Variants in TDRD9 observed in about 807,000 individuals in gnomAD.
TDRD9 encodes ATP-dependent RNA helicase TDRD9.
In TDRD9, 124 loss-of-function variants were observed where a neutral mutation model predicts 172.6. That is an observed-to-expected ratio of 0.72 (90% confidence interval 0.62 to 0.83). TDRD9 has a LOEUF of 0.83. Ranked by LOEUF, TDRD9 falls within the 40% of genes least tolerant of loss-of-function variation. TDRD9 has a pLI of 0.00. For synonymous variants in TDRD9, 619 were observed against 617.1 expected (o/e 1.00, Z -0.05); for missense variants, 1,479 against 1,714.1 (o/e 0.86, Z 2.42).
chr14:103,992,010 C>T (rs2033888325), intron 9 of TDRD9, among the ~76,000 whole-genome samples: 1 of 152,050 alleles, frequency 6.6e-6, no homozygotes, highest in Non-Finnish European at 1.5e-5. Flanking sequence ...TTACATATGT[C>T]GTTATAAATG....
chr14:103,938,430 A>ATTTTTT (rs1566723244), intron 1 of TDRD9, among the ~76,000 whole-genome samples: 13 of 39,904 alleles, frequency 3.3e-4, no homozygotes, highest in African/African-American at 1.4e-3. Context: ...ATATATATAT[A>ATTTTTT]TATATATATA....
At chr14:103,979,862 G>T (rs2033401175) in intron 7 of TDRD9, among the ~76,000 whole-genome samples, 1 of 151,118 alleles carries the variant, frequency 6.6e-6, no homozygotes, top group African/African-American at 2.4e-5. Context: ...TAAACAATTT[G>T]CATTTTCTGA....
chr14:104,032,779 G>A (rs1355951664), intron 30 of TDRD9, among the ~76,000 whole-genome samples: 6 of 152,156 alleles, frequency 3.9e-5, no homozygotes, highest in Non-Finnish European at 8.8e-5. Context: ...GCGGGTGGGG[G>A]GCATAGAGGA....
chr14:103,951,823 G>A (rs1443173242), intron 1 of TDRD9, among the ~76,000 whole-genome samples: 1 of 151,442 alleles, frequency 6.6e-6, no homozygotes, highest in East Asian at 1.9e-4. Flanking sequence ...CTGGAGTGCA[G>A]TGGCGTGATC....
intron 5 of TDRD9, 115 bp downstream of exon 5, chr14:103,966,946 C>T: frequency 2.9e-6 from 3 of 1,035,696 alleles, no homozygotes; most frequent in Non-Finnish European, 3.9e-6. Context: ...TTTCCTTCCC[C>T]TTTACTTTCT....
intron 4 of TDRD9, 42 bp from the exon 5 acceptor site, chr14:103,966,662 CTTTTT>C: frequency 1.4e-6 from 2 of 1,448,828 alleles, no homozygotes; most frequent in Middle Eastern, 1.9e-4. Context: ...ATGGACATAA[CTTTTT>C]TTTTCTCTTT....
chr14:103,931,135 A>C (rs1428857143), intron 1 of TDRD9, among the ~76,000 whole-genome samples: 3 of 151,662 alleles, frequency 2.0e-5, no homozygotes, highest in Non-Finnish European at 2.9e-5. Flanking sequence ...TCTCTACCAA[A>C]AAAAAAAACA....
Position 103,958,488 on chromosome 14 carries a change from C to T in TDRD9, c.322+2718C>T, listed in dbSNP as rs73352462. 9.5e-3 allele frequency among the ~76,000 whole-genome samples: 1,452 copies of T among 152,256 alleles called. 29 individuals are homozygous for T. Among genetic ancestry groups the T allele is most frequent in the African/African-American group, 0.033 (1,375 of 41,546 alleles). On this transcript the variant is annotated intron_variant, in intron 2 of 35. Coordinates refer to ENST00000409874, the MANE Select transcript of TDRD9 (RefSeq NM_153046.3). The stretch of plus-strand genomic sequence containing the variant: ...CCAGGACCTGTGAATATATCACCTT[C>T]ATGGTAAAGGGGTCTTTGCAGATGC...
At chr14:103,978,457 A>G (rs1179176663) in intron 7 of TDRD9, among the ~76,000 whole-genome samples, 2 of 152,154 alleles carry the variant, frequency 1.3e-5, no homozygotes, top group African/African-American at 4.8e-5. Flanking sequence ...AAAAAAACCT[A>G]CTAACTAAAC....
chr14:103,970,729 G>C, intron 6 of TDRD9, 108 bp downstream of exon 6: 2 of 804,322 alleles, frequency 2.5e-6, no homozygotes, highest in Admixed American at 2.7e-5. Flanking sequence ...TGGGACCCCG[G>C]ACAGATACTA....
intron 2 of TDRD9, among the ~76,000 whole-genome samples, chr14:103,956,150 A>ATATATAT (rs2032229424): frequency 1.9e-5 from 2 of 106,216 alleles, no homozygotes; most frequent in Non-Finnish European, 3.8e-5. Context: ...ATATATATAT[A>ATATATAT]ATTATTAGGC....
At chr14:104,001,162 G>A (rs1431970155) in intron 13 of TDRD9, among the ~76,000 whole-genome samples, 1 of 152,184 alleles carries the variant, frequency 6.6e-6, no homozygotes, top group African/African-American at 2.4e-5. Flanking sequence ...ACTATGATCA[G>A]AGCACAGAAC....
At chr14:103,968,191 C>T (rs1276890978) in intron 5 of TDRD9, among the ~76,000 whole-genome samples, 1 of 152,228 alleles carries the variant, frequency 6.6e-6, no homozygotes, top group Non-Finnish European at 1.5e-5. Context: ...AAAGTTAGCT[C>T]CTCTCTTCGA....
At chr14:103,988,896 A>G (rs992078615) in intron 8 of TDRD9, among the ~76,000 whole-genome samples, 26 of 152,128 alleles carry the variant, frequency 1.7e-4, no homozygotes, top group African/African-American at 6.3e-4. Context: ...TCACCTAAGA[A>G]GGAAGGAGGC....
intron 20 of TDRD9, among the ~76,000 whole-genome samples, chr14:104,014,231 CAAAAAAA>C (rs370386257): frequency 9.7e-6 from 1 of 103,176 alleles, no homozygotes; most frequent in African/African-American, 3.6e-5. Context: ...GAGACTGTCT[CAAAAAAA>C]AAAAAAAAAA....
At chr14:103,987,873 G>A (rs751144386) in intron 8 of TDRD9, among the ~76,000 whole-genome samples, 28 of 152,242 alleles carry the variant, frequency 1.8e-4, no homozygotes, top group Non-Finnish European at 3.2e-4. Context: ...TTATTGAATT[G>A]CCTATTTCTT....
At chr14:104,031,703 G>A (rs1214374190) in intron 29 of TDRD9, among the ~76,000 whole-genome samples, 1 of 151,934 alleles carries the variant, frequency 6.6e-6, no homozygotes, top group Non-Finnish European at 1.5e-5. Context: ...AGGTCTACCT[G>A]TGCAACTGGG....
intron 13 of TDRD9, among the ~76,000 whole-genome samples, chr14:104,003,217 TTTAAG>T (rs1364950185): frequency 1.3e-5 from 2 of 151,990 alleles, no homozygotes; most frequent in Non-Finnish European, 2.9e-5. Flanking sequence ...GAACAAGGAC[TTTAAG>T]TTATTTTTTT....
chr14:103,971,395 C>T (rs575210028), intron 6 of TDRD9, among the ~76,000 whole-genome samples: 2 of 151,940 alleles, frequency 1.3e-5, no homozygotes, highest in South Asian at 2.1e-4. Context: ...ACCTCCGCCT[C>T]CCAGGTTCAA....
Sources: gnomAD v4.1 joint callset for allele counts (sites outside exome capture counted in the v4.1 genomes callset) on GRCh38, gnomAD v4.1.1 for gene constraint, MANE v1.5 for transcripts, NCBI Gene and HGNC (gene_info 2026-07-23, HGNC 2026-07-21) for gene names.